Variants in MRPL45 observed in about 807,000 individuals in gnomAD.
MRPL45 encodes mitochondrial ribosomal protein L45, also known as large ribosomal subunit protein mL45.
MRPL45 carries 20 observed loss-of-function variants against 38.1 expected under a neutral mutation model. The observed-to-expected ratio is 0.53, with a 90% CI of 0.37 to 0.76. MRPL45 has a LOEUF of 0.76. MRPL45 is among the 30% of genes least tolerant of loss of function. The probability of loss-of-function intolerance (pLI) is 0.00; values close to 1 mark genes in which losing one functional copy is unlikely to be tolerated. For missense variants in MRPL45, 337 were observed against 395.6 expected (o/e 0.85, Z 1.26); for synonymous variants, 105 against 128.8 (o/e 0.82, Z 1.25).
At chr17:38,315,369 C>T (rs148633529) in intron 4 of MRPL45, among the ~76,000 whole-genome samples, 2 of 152,214 alleles carry the variant, frequency 1.3e-5, no homozygotes, top group East Asian at 3.9e-4. Flanking sequence ...GATCTTCCCA[C>T]CTCAGCCCCT....
intron 4 of MRPL45, among the ~76,000 whole-genome samples, chr17:38,309,915 T>C (rs887530814): frequency 1.3e-5 from 2 of 152,142 alleles, no homozygotes; most frequent in African/African-American, 4.8e-5. Context: ...TGAATACACA[T>C]ATGTTAGATC....
intron 4 of MRPL45, among the ~76,000 whole-genome samples, chr17:38,316,520 T>G (rs545529884): frequency 1.3e-5 from 2 of 152,082 alleles, no homozygotes; most frequent in South Asian, 4.2e-4. Context: ...TCTGTCAAAT[T>G]ATTTTTTGGT....
At chr17:38,305,106 A>G (rs2037038526) in intron 3 of MRPL45, among the ~76,000 whole-genome samples, 1 of 150,804 alleles carries the variant, frequency 6.6e-6, no homozygotes, top group South Asian at 2.1e-4. Flanking sequence ...TGGCCTCCCA[A>G]AGTGCTGGGA....
intron 4 of MRPL45, among the ~76,000 whole-genome samples, chr17:38,313,258 C>G (rs898215438): frequency 7.1e-6 from 1 of 141,234 alleles, no homozygotes; most frequent in Non-Finnish European, 1.5e-5. Context: ...GCTGGGATTA[C>G]AGGCGTGAGC....
intron 4 of MRPL45, among the ~76,000 whole-genome samples, chr17:38,315,370 C>T (rs1315718039): frequency 6.6e-6 from 1 of 152,054 alleles, no homozygotes; most frequent in African/African-American, 2.4e-5. Context: ...ATCTTCCCAC[C>T]TCAGCCCCTG....
intron 4 of MRPL45, among the ~76,000 whole-genome samples, chr17:38,311,400 C>A (rs576828782): frequency 6.6e-6 from 1 of 151,930 alleles, no homozygotes; most frequent in South Asian, 2.1e-4. Flanking sequence ...TAAAGGAGAC[C>A]CGGGGATCCA....
intron 3 of MRPL45, among the ~76,000 whole-genome samples, chr17:38,300,647 C>G (rs189106858): frequency 6.6e-6 from 1 of 152,166 alleles, no homozygotes; most frequent in African/African-American, 2.4e-5. Context: ...ACTTATTTCT[C>G]TACATATAGA....
intron 1 of MRPL45, among the ~76,000 whole-genome samples, chr17:38,297,879 C>T (rs1157370381): frequency 2.6e-5 from 4 of 152,292 alleles, no homozygotes; most frequent in African/African-American, 9.6e-5. Flanking sequence ...AGAAGGATGG[C>T]TTGAGCCCAG....
intron 4 of MRPL45, among the ~76,000 whole-genome samples, chr17:38,316,663 C>T (rs2037175438): frequency 7.9e-6 from 1 of 127,248 alleles, no homozygotes; most frequent in South Asian, 2.7e-4. Context: ...ACAAAAAAAG[C>T]TGGGTGTGGT....
intron 4 of MRPL45, among the ~76,000 whole-genome samples, chr17:38,312,313 G>A (rs1270931882): frequency 6.6e-6 from 1 of 152,104 alleles, no homozygotes; most frequent in Non-Finnish European, 1.5e-5. Flanking sequence ...CCGTAAGTGC[G>A]GGGATTACAG....
chr17:38,302,506 GTTTGTTTT>G (rs2037008314), intron 3 of MRPL45, among the ~76,000 whole-genome samples: 1 of 39,070 alleles, frequency 2.6e-5, no homozygotes, highest in African/African-American at 5.9e-5. Context: ...AAAAAAAAAA[GTTTGTTTT>G]TTTTTTTTTT....
chr17:38,300,533 A>T (rs1023358850), intron 3 of MRPL45, among the ~76,000 whole-genome samples: 1 of 152,116 alleles, frequency 6.6e-6, no homozygotes, highest in Non-Finnish European at 1.5e-5. Flanking sequence ...GGGCTACCCC[A>T]TAGGCCACTG....
chr17:38,310,261 A>G (rs1011490612), intron 4 of MRPL45, among the ~76,000 whole-genome samples: 6 of 150,148 alleles, frequency 4.0e-5, no homozygotes. Flanking sequence ...TGTCTTCAAT[A>G]GGTCCATTTT....
intron 3 of MRPL45, among the ~76,000 whole-genome samples, 155 bp from the exon 4 acceptor site, chr17:38,306,378 C>T (rs1221946439): frequency 2.7e-5 from 4 of 147,540 alleles, no homozygotes; most frequent in African/African-American, 1.0e-4. Flanking sequence ...CACTGCACTC[C>T]AGCCTGGGTG....
intron 3 of MRPL45, among the ~76,000 whole-genome samples, chr17:38,305,443 T>G (rs1202578231): frequency 2.8e-5 from 4 of 142,106 alleles, no homozygotes; most frequent in African/African-American, 7.8e-5. Flanking sequence ...CTCCAGCCTG[T>G]GCGACGGAGT....
Position 38,320,688 on chromosome 17 carries a change from TTGTTCAAGTTCGC to T in MRPL45, c.591_603del (p.Arg198Ter). 6.2e-7 allele frequency: 1 copy of T among 1,614,206 alleles called. No homozygotes were observed. The highest frequency in any genetic ancestry group is 8.5e-7 in the Non-Finnish European group (1 of 1,180,034). ...GTGGAATCTTTAGAGCCCTCTCATG[TTGTTCAAGTTCGC>T]TGTTCAAGTATGATGAACCAGGGCA... On this transcript the variant is annotated frameshift_variant, in exon 6 of 8. Transcript: ENST00000613675. LOFTEE classifies it high-confidence loss of function.
intron 4 of MRPL45, among the ~76,000 whole-genome samples, chr17:38,307,701 C>T (rs1301830110): frequency 6.6e-6 from 1 of 152,156 alleles, no homozygotes; most frequent in Non-Finnish European, 1.5e-5. Flanking sequence ...GAAGAATCAA[C>T]ATTAGGAGGC....
At position 38,308,655 on chromosome 17, in the gene MRPL45, G is replaced by C. The variant is rs188023371; in HGVS notation, c.461+2024G>C. ...GGATTTCACCATGTTGGCCAGGCTG[G>C]TCTTGAACTCCTGACCTCAAGTGAT... On this transcript the variant is annotated intron_variant, in intron 4 of 7. Coordinates refer to ENST00000613675, the MANE Select transcript of MRPL45 (RefSeq NM_032351.6). Among the ~76,000 whole-genome samples, 976 of 151,930 alleles carry C rather than the reference G, an allele frequency of 6.4e-3. 21 individuals are homozygous for C. Among genetic ancestry groups the C allele is most frequent in the Admixed American group, 0.038 (573 of 15,258 alleles).
In MRPL45 at chr17:38,320,667, A is replaced by C; in HGVS notation, c.560A>C (p.Glu187Ala). ...AAGACCGTCCGCTGGAGCTTTGTGG[A>C]ATCTTTAGAGCCCTCTCATGTTGTT... The part of the protein sequence containing the change: ...KYKTVRWSFV[E>A]SLEPSHVVQV... Residue 187 changes from glutamate (E) to alanine (A), a missense_variant, in exon 6 of 8, where the codon GAA (glutamate) becomes GCA (alanine). Physicochemically the swap from Glu to Ala is moderately radical, Grantham distance 107 (BLOSUM62 -1). Transcript: ENST00000613675. 1 of 1,614,114 alleles carries C rather than the reference A, an allele frequency of 6.2e-7. No homozygotes were observed. The highest frequency in any genetic ancestry group is 1.7e-5 in the Admixed American group (1 of 60,010).
Sources: gnomAD v4.1 joint callset for allele counts (sites outside exome capture counted in the v4.1 genomes callset) on GRCh38, gnomAD v4.1.1 for gene constraint, MANE v1.5 for transcripts, NCBI Gene and HGNC (gene_info 2026-07-23, HGNC 2026-07-21) for gene names.